The following SMYD3 variants were observed in gnomAD, a reference collection of about 807,000 sequenced individuals.
The protein encoded by SMYD3 is histone-lysine N-methyltransferase SMYD3.
In SMYD3, 36 loss-of-function variants were observed where a neutral mutation model predicts 57.7. The ratio of observed to expected loss-of-function variants is 0.62; its 90% CI spans 0.48 to 0.82. The LOEUF is 0.82. Among genes scored for constraint, SMYD3 ranks in the 40% least tolerant of loss-of-function variants. SMYD3 has a pLI of 0.00. For synonymous variants in SMYD3, 211 were observed against 195.0 expected, an observed-to-expected ratio of 1.08 and a Z score of -0.68; for missense variants, 515 against 538.8, an observed-to-expected ratio of 0.96 and a Z score of 0.44.
chr1:245,882,231 G>A (rs1248466452), intron 8 of SMYD3, among the ~76,000 whole-genome samples: 1 of 152,182 alleles, frequency 6.6e-6, no homozygotes, highest in Non-Finnish European at 1.5e-5. Context: ...ACTGACCTCT[G>A]TCAATCGTGA....
At chr1:245,952,893 T>G (rs12133873) in intron 5 of SMYD3, among the ~76,000 whole-genome samples, 93,327 of 152,038 alleles carry the variant, frequency 0.61, 33,303 homozygotes, top group Non-Finnish European at 0.82. Context: ...CCTCTACCCA[T>G]TGAGGTTTCC....
At chr1:246,478,310 G>A (rs1055835542) in intron 1 of SMYD3, among the ~76,000 whole-genome samples, 4 of 152,208 alleles carry the variant, frequency 2.6e-5, no homozygotes, top group Admixed American at 6.5e-5. Context: ...AGAGTCAGGA[G>A]GTGAGAAAGC....
intron 8 of SMYD3, among the ~76,000 whole-genome samples, chr1:245,865,669 C>G (rs548123450): frequency 2.6e-5 from 4 of 152,200 alleles, no homozygotes; most frequent in Non-Finnish European, 5.9e-5. Flanking sequence ...TAACAGGTAG[C>G]CACCAGCCAG....
At chr1:245,986,973 G>A (rs2148096428) in intron 5 of SMYD3, among the ~76,000 whole-genome samples, 1 of 152,254 alleles carries the variant, frequency 6.6e-6, no homozygotes, top group Non-Finnish European at 1.5e-5. Context: ...ACATGTTGTG[G>A]AACAACTTGG....
At chr1:246,286,583 A>C (rs897164248) in intron 5 of SMYD3, among the ~76,000 whole-genome samples, 3 of 152,180 alleles carry the variant, frequency 2.0e-5, no homozygotes, top group Admixed American at 1.3e-4. Flanking sequence ...TCTTTTTAAA[A>C]ATTTTTAGAA....
At chr1:245,913,161 A>G (rs1038266242) in intron 8 of SMYD3, among the ~76,000 whole-genome samples, 2 of 152,122 alleles carry the variant, frequency 1.3e-5, no homozygotes, top group African/African-American at 4.8e-5. Flanking sequence ...GCACATATAC[A>G]CCATGGAATA....
chr1:246,200,490 T>C (rs940266687), intron 5 of SMYD3, among the ~76,000 whole-genome samples: 3 of 151,032 alleles, frequency 2.0e-5, no homozygotes, highest in African/African-American at 7.3e-5. Context: ...CCCACTGTAA[T>C]AGAGAAGATA....
chr1:246,420,103 GC>G (rs1037285309), intron 1 of SMYD3, among the ~76,000 whole-genome samples: 38 of 152,074 alleles, frequency 2.5e-4, no homozygotes, highest in African/African-American at 8.7e-4. Context: ...GGAGGGTGAG[GC>G]AGAAGAATCA....
chr1:246,413,484 T>A (rs2067009002), intron 1 of SMYD3, among the ~76,000 whole-genome samples: 1 of 152,038 alleles, frequency 6.6e-6, no homozygotes, highest in South Asian at 2.1e-4. Flanking sequence ...TGAGGATGCA[T>A]GATATAGTTT....
At chr1:245,980,636 C>A (rs990506378) in intron 5 of SMYD3, among the ~76,000 whole-genome samples, 1 of 152,100 alleles carries the variant, frequency 6.6e-6, no homozygotes, top group Non-Finnish European at 1.5e-5. Flanking sequence ...CCTATTAAAC[C>A]AAGGTGGAAA....
At chr1:245,919,545 T>C (rs891183163) in intron 7 of SMYD3, among the ~76,000 whole-genome samples, 1 of 152,250 alleles carries the variant, frequency 6.6e-6, no homozygotes, top group African/African-American at 2.4e-5. Flanking sequence ...CAATGAAGTC[T>C]GCAGAATATC....
At chr1:246,013,060 G>A (rs757537659) in intron 5 of SMYD3, among the ~76,000 whole-genome samples, 1 of 152,180 alleles carries the variant, frequency 6.6e-6, no homozygotes, top group Non-Finnish European at 1.5e-5. Flanking sequence ...CACATGTGCC[G>A]AGAAGACAAG....
chr1:245,755,244 T>C (rs190028660), intron 11 of SMYD3, among the ~76,000 whole-genome samples: 2 of 152,350 alleles, frequency 1.3e-5, no homozygotes, highest in Admixed American at 6.5e-5. Context: ...TTTAATTCCA[T>C]TGTGGTCAGA....
intron 3 of SMYD3, among the ~76,000 whole-genome samples, chr1:246,331,433 T>A (rs1572389835): frequency 6.6e-6 from 1 of 152,342 alleles, no homozygotes; most frequent in East Asian, 1.9e-4. Flanking sequence ...ATAAAGGCAA[T>A]GTAACAGAGA....
intron 5 of SMYD3, among the ~76,000 whole-genome samples, chr1:246,236,410 A>T (rs1490778961): frequency 6.6e-6 from 1 of 151,628 alleles, no homozygotes; most frequent in African/African-American, 2.4e-5. Context: ...TTTTTATTTA[A>T]TTAATTAATT....
At chr1:245,956,593 G>A (rs1000846869) in intron 5 of SMYD3, among the ~76,000 whole-genome samples, 7 of 152,142 alleles carry the variant, frequency 4.6e-5, no homozygotes, top group African/African-American at 1.7e-4. Flanking sequence ...TTCTTCTCTT[G>A]TGACTCTCTG....
chr1:246,031,716 G>A (rs1461524457), intron 5 of SMYD3, among the ~76,000 whole-genome samples: 2 of 143,982 alleles, frequency 1.4e-5, no homozygotes, highest in Non-Finnish European at 3.0e-5. Flanking sequence ...CAGCCTGGGC[G>A]ACAGAGCGAG....
At chr1:246,030,997 G>C (rs1413566511) in intron 5 of SMYD3, among the ~76,000 whole-genome samples, 3 of 152,070 alleles carry the variant, frequency 2.0e-5, no homozygotes, top group Non-Finnish European at 4.4e-5. Flanking sequence ...GAGAGGACAG[G>C]GCTGCTTCCC....
intron 5 of SMYD3, among the ~76,000 whole-genome samples, chr1:246,102,306 C>G (rs2061029124): frequency 6.6e-6 from 1 of 152,154 alleles, no homozygotes; most frequent in Non-Finnish European, 1.5e-5. Flanking sequence ...AGTTCAGATT[C>G]CAAATATTTC....
Sources: gnomAD v4.1 joint callset for allele counts (sites outside exome capture counted in the v4.1 genomes callset) on GRCh38, gnomAD v4.1.1 for gene constraint, MANE v1.5 for transcripts, NCBI Gene and HGNC (gene_info 2026-07-23, HGNC 2026-07-21) for gene names.